The following HCN4 variants were observed in gnomAD, a reference collection of about 807,000 sequenced individuals.
The protein encoded by HCN4 is hyperpolarization activated cyclic nucleotide gated potassium channel 4.
A neutral mutation model predicts 76.9 loss-of-function variants in HCN4; 29 were observed. That is an observed-to-expected ratio of 0.38 (90% CI 0.28 to 0.51). HCN4 has a LOEUF of 0.51. HCN4 is among the 20% of genes least tolerant of loss of function. HCN4 has a pLI of 0.90. For missense variants in HCN4, 1,416 were observed against 1,715.2 expected, an observed-to-expected ratio of 0.83 and a Z score of 3.08; for synonymous variants, 772 against 762.5, an observed-to-expected ratio of 1.01 and a Z score of -0.21.
In HCN4 at chr15:73,323,796, G is replaced by A. The variant is rs1333508555; in HGVS notation, c.2297C>T (p.Thr766Ile). Residue 766 changes from threonine to isoleucine, a missense_variant, in exon 8 of 8, where the codon ACC (threonine) becomes ATC (isoleucine). Physicochemically the swap from Thr to Ile is moderately conservative, Grantham distance 89 (BLOSUM62 -1). Around this residue, in one of 6 missense-constraint regions of HCN4, gnomAD observed 241 missense variants for 379.4 expected, o/e 0.64. Transcript: ENST00000261917. ...CCAGATGACGGGCGTGGGGGTTGGGGTGGCAGAGGCAGCAGCCTGGACGCG... is the reference window on the plus strand; with the variant it reads ...CCAGATGACGGGCGTGGGGGTTGGGATGGCAGAGGCAGCAGCCTGGACGCG... The part of the protein sequence containing the change: ...AHRVQAAASA[T>I]PTPTPVIWTP... The A allele has an allele frequency of 1.2e-6, 2 of 1,607,556 alleles. No homozygotes were observed. The highest frequency in any genetic ancestry group is 2.2e-5 in the East Asian group (1 of 44,880).
rs185253240 is a variant in HCN4, at chr15:73,346,410, G to T, written c.786-2602C>A. On this transcript the variant is annotated intron_variant, in intron 1 of 7. Coordinates refer to ENST00000261917, the MANE Select transcript of HCN4 (RefSeq NM_005477.3). ...CCTATGCCCAGCTACATTATGAAAT[G>T]AGTAAATAAATCATCAAAATCAATA... is the stretch of plus-strand genomic sequence containing the variant. Among the ~76,000 whole-genome samples, 18 of 152,324 alleles carry T rather than the reference G, an allele frequency of 1.2e-4. No individual in the cohort carries two copies. In the East Asian group the frequency reaches 3.1e-3, roughly 26 times the overall value.
chr15:73,322,476 C>A lies in HCN4; in HGVS notation c.*5G>T. 1 of 1,581,148 alleles carries A rather than the reference C, an allele frequency of 6.3e-7. No homozygotes were observed. The highest frequency in any genetic ancestry group is 8.6e-7 in the Non-Finnish European group (1 of 1,162,536). On this transcript the variant is annotated 3_prime_UTR_variant, in exon 8 of 8. Transcript: ENST00000261917. The stretch of plus-strand genomic sequence containing the variant: ...GAAGAAAGAAGAGGGAAGGAAGGGC[C>A]CAGCTCATAGATTGGATGGCAGTTT...
chr15:73,366,155 G>T (rs940005658), intron 1 of HCN4, among the ~76,000 whole-genome samples: 1 of 152,124 alleles, frequency 6.6e-6, no homozygotes, highest in African/African-American at 2.4e-5. Flanking sequence ...AGATATTAGG[G>T]TTAGGAAGAG....
rs1250625107 is a variant in HCN4, at chr15:73,322,979, G to T, written c.3114C>A (p.Phe1038Leu). The T allele has an allele frequency of 6.9e-7, 1 of 1,444,864 alleles. No individual in the cohort carries two copies. The highest frequency in any genetic ancestry group is 9.1e-7 in the Non-Finnish European group (1 of 1,098,332). The allele number at this position is 1,444,864 out of a possible 1,614,324, so 89.5% of individuals were successfully genotyped here. ...PGHSPGPPRT[F>L]PSAPPRASGS... ...CAGAGGCCCGGGGCGGGGCACTCGG[G>T]AAGGTTCTTGGGGGGCCTGGGCTGT... Residue 1038 changes from phenylalanine to leucine, a missense_variant, in exon 8 of 8, where the codon TTC becomes TTA. Coordinates refer to ENST00000261917, the MANE Select transcript of HCN4 (RefSeq NM_005477.3).
intron 1 of HCN4, among the ~76,000 whole-genome samples, chr15:73,358,947 T>C (rs1163144526): frequency 3.3e-5 from 5 of 152,130 alleles, no homozygotes; most frequent in Non-Finnish European, 7.4e-5. Flanking sequence ...AAAGCAGTCT[T>C]GGAATGGGTG....
chr15:73,368,325 C>A lies in HCN4; in HGVS notation c.-55G>T, dbSNP rs899054100. ...GGGGGCAGGAGCGCGGCGCCGCGGA[C>A]GGGCTCCAGGTCCGCCCGCCGGTCA... On this transcript the variant is annotated 5_prime_UTR_variant, in exon 1 of 8. Coordinates refer to ENST00000261917, the MANE Select transcript of HCN4 (RefSeq NM_005477.3). The surrounding 1 kb of genome is among the most constrained non-coding windows in gnomAD (Gnocchi z 6.9). The A allele has an allele frequency of 7.5e-7, 1 of 1,327,814 alleles. No homozygotes were observed. The highest frequency in any genetic ancestry group is 1.5e-5 in the African/African-American group (1 of 65,264). The allele number at this position is 1,327,814 out of a possible 1,614,324, so 82.3% of individuals were successfully genotyped here. A position where few individuals can be genotyped will look rare whatever the true frequency, so the allele number is the denominator to read the frequency against.
rs756993031 is a variant in HCN4, at chr15:73,367,646, C to T, written c.625G>A (p.Gly209Ser). The T allele has an allele frequency of 5.6e-6, 9 of 1,611,042 alleles. No homozygotes were observed. In the South Asian group the frequency reaches 8.8e-5, roughly 16 times the overall value. The change falls in exon 1 of 8, where the codon GGC (glycine) becomes AGC (serine). Residue 209 changes from glycine to serine, a missense_variant. By Grantham distance (56) the Gly-to-Ser change is moderately conservative. Coordinates refer to ENST00000261917, the MANE Select transcript of HCN4 (RefSeq NM_005477.3). The surrounding 1 kb of genome is among the most constrained non-coding windows in gnomAD (Gnocchi z 7.5). ...QILPEAEVRL[G>S]QAGFMQRQFG... The stretch of plus-strand genomic sequence containing the variant: ...TGGCGCTGCATGAAGCCGGCCTGGC[C>T]CAGGCGCACCTCGGCCTCCGGGAGG...
chr15:73,355,398 G>A (rs1302160453), intron 1 of HCN4, among the ~76,000 whole-genome samples: 2 of 151,006 alleles, frequency 1.3e-5, no homozygotes, highest in Non-Finnish European at 1.5e-5. Context: ...GCAGTGCAGA[G>A]GCTAAAGAGG....
At chr15:73,365,123 C>T (rs1331074108) in intron 1 of HCN4, among the ~76,000 whole-genome samples, 1 of 151,910 alleles carries the variant, frequency 6.6e-6, no homozygotes, top group Non-Finnish European at 1.5e-5. Flanking sequence ...GCTGGGGGTG[C>T]TGGTCGGGGT....
In HCN4 at chr15:73,322,904, G is replaced by A. The variant is rs1184476514; in HGVS notation, c.3189C>T (p.Pro1063=). Residue 1063 remains proline (P), a synonymous_variant, in exon 8 of 8, where the codon CCC becomes CCT. Coordinates refer to ENST00000261917, the MANE Select transcript of HCN4 (RefSeq NM_005477.3). ...GTGTGCCCCGGCGCTGGGGGACCTG[G>A]GGTGGTGGGGGGCTGGATGCAGGTG... The part of the protein sequence containing the change: ...LLPPASSPPP[P]QVPQRRGTPP... The A allele has an allele frequency of 9.2e-6, 13 of 1,410,720 alleles. No individual in the cohort carries two copies. Among genetic ancestry groups the A allele is most frequent in the Non-Finnish European group, 1.2e-5 (13 of 1,067,616 alleles). 87.4% of individuals were successfully genotyped at this position (1,410,720 alleles called of 1,614,324 possible). A position where few individuals can be genotyped will look rare whatever the true frequency, so the allele number is the denominator to read the frequency against.
chr15:73,362,508 C>A (rs796876032), intron 1 of HCN4, among the ~76,000 whole-genome samples: 1 of 152,208 alleles, frequency 6.6e-6, no homozygotes, highest in African/African-American at 2.4e-5. Context: ...CCGGGTGAGT[C>A]GGATGACATT....
Position 73,322,201 on chromosome 15 carries a change from C to A in HCN4, c.*280G>T. On this transcript the variant is annotated 3_prime_UTR_variant, in exon 8 of 8. Coordinates refer to ENST00000261917, the MANE Select transcript of HCN4 (RefSeq NM_005477.3). ...CCCTGCCCAGCCCCGGAGACCCCAT[C>A]TGCCTTTCTCTGGCTTTTGCATTTG... 2.7e-6 allele frequency: 1 copy of A among 375,472 alleles called. No homozygotes were observed. 23.3% of individuals were successfully genotyped at this position (375,472 alleles called of 1,614,324 possible).
intron 6 of HCN4, 149 bp downstream of exon 6, chr15:73,324,806 T>C: frequency 1.1e-6 from 1 of 899,732 alleles, no homozygotes. Flanking sequence ...GAACCCAGAC[T>C]GACTAAGACA....
In HCN4 at chr15:73,320,492, C is replaced by T. The variant is rs549377; in HGVS notation, c.*1989G>A. The T allele has an allele frequency of 0.81, 122,787 of 152,198 alleles. 52,022 individuals are homozygous for T. The highest frequency in any genetic ancestry group is 0.93 in the Non-Finnish European group (63,418 of 68,048). 9.4% of individuals were successfully genotyped at this position (152,198 alleles called of 1,614,324 possible). A position where few individuals can be genotyped will look rare whatever the true frequency, so the allele number is the denominator to read the frequency against. On this transcript the variant is annotated 3_prime_UTR_variant, in exon 8 of 8. Coordinates refer to ENST00000261917, the MANE Select transcript of HCN4 (RefSeq NM_005477.3). ...AATGTGGGACCAGCCCTTCTCATTA[C>T]TTGGGGATTGCAGCCATACCTGCTC...
chr15:73,354,486 G>A (rs532251507), intron 1 of HCN4, among the ~76,000 whole-genome samples: 41 of 152,334 alleles, frequency 2.7e-4, no homozygotes, highest in Admixed American at 2.4e-3. Context: ...GCTGTGGGGT[G>A]GGGCCAACAT....
In HCN4 at chr15:73,322,865, G is replaced by C. The variant is rs770161577; in HGVS notation, c.3228C>G (p.Pro1076=). 1 of 1,476,948 alleles carries C rather than the reference G, an allele frequency of 6.8e-7. No individual in the cohort carries two copies. The highest frequency in any genetic ancestry group is 1.4e-5 in the South Asian group (1 of 70,592). The allele number at this position is 1,476,948 out of a possible 1,614,324, so 91.5% of individuals were successfully genotyped here. ...PQRRGTPPLT[P]GRLTQDLKLI... ...GCTTGAGGTCCTGGGTGAGGCGGCC[G>C]GGGGTGAGCGGGGGTGTGCCCCGGC... Residue 1076 remains proline, a synonymous_variant, in exon 8 of 8, where the codon CCC becomes CCG. Coordinates refer to ENST00000261917, the MANE Select transcript of HCN4 (RefSeq NM_005477.3).
At chr15:73,340,024 C>T (rs997696543) in intron 2 of HCN4, among the ~76,000 whole-genome samples, 2 of 152,244 alleles carry the variant, frequency 1.3e-5, no homozygotes, top group Non-Finnish European at 2.9e-5. Context: ...TTCCTCCCCA[C>T]GAGATGGGGC....
rs375138488 is a variant in HCN4, at chr15:73,322,742, C to A, written c.3351G>T (p.Pro1117=). Residue 1117 remains proline (P), a synonymous_variant, in exon 8 of 8, where the codon CCG becomes CCT. Transcript: ENST00000261917. Reference sequence around the variant, plus strand: ...TGCCACCCCCAGCCCTGGGGAAGAGCGGGAAGGCAGCCATGGACTCCCCTG... The same window carrying A: ...TGCCACCCCCAGCCCTGGGGAAGAGAGGGAAGGCAGCCATGGACTCCCCTG... The part of the protein sequence containing the change: ...HSSGESMAAF[P]LFPRAGGGSG... 3 of 1,562,418 alleles carry A rather than the reference C, an allele frequency of 1.9e-6. No individual in the cohort carries two copies. Among genetic ancestry groups the A allele is most frequent in the Non-Finnish European group, 2.6e-6 (3 of 1,153,494 alleles).
chr15:73,368,042 T>G lies in HCN4; in HGVS notation c.229A>C (p.Ser77Arg). ...SRSSALGAAD[S>R]EGPARGAGKS... is the part of the protein sequence containing the mutation. ...CCCGCGCCGCGGGCCGGCCCTTCGC[T>G]GTCCGCTGCCCCGAGGGCCGAGCTC... The change falls in exon 1 of 8, where the codon AGC (serine) becomes CGC (arginine). Residue 77 changes from serine to arginine, a missense_variant. Physicochemically the swap from Ser to Arg is moderately radical, Grantham distance 110. This residue lies in a region of HCN4 where 355 missense variants were observed against 347.8 expected (regional missense o/e 1.02). Coordinates refer to ENST00000261917, the MANE Select transcript of HCN4 (RefSeq NM_005477.3). This position sits in a 1 kb window ranked among gnomAD's most constrained non-coding sequence, Gnocchi z 6.9. The G allele has an allele frequency of 6.9e-7, 1 of 1,457,636 alleles. No homozygotes were observed. The highest frequency in any genetic ancestry group is 3.0e-5 in the East Asian group (1 of 33,276). 90.3% of individuals were successfully genotyped at this position (1,457,636 alleles called of 1,614,324 possible). A position where few individuals can be genotyped will look rare whatever the true frequency, so the allele number is the denominator to read the frequency against.
Sources: gnomAD v4.1 joint callset for allele counts (sites outside exome capture counted in the v4.1 genomes callset) on GRCh38, gnomAD v4.1.1 for gene constraint, gnomAD v4.1.1 regional missense constraint, Gnocchi (gnomAD v3.1) non-coding constraint, MANE v1.5 for transcripts, NCBI Gene and HGNC (gene_info 2026-07-23, HGNC 2026-07-21) for gene names.